PRKAR2A: variants seen among roughly 807,000 people sequenced by gnomAD.
PRKAR2A encodes cAMP-dependent protein kinase type II-alpha regulatory subunit.
PRKAR2A carries 29 observed loss-of-function variants against 51.9 expected under a neutral mutation model. The observed-to-expected ratio is 0.56, with a 90% CI of 0.42 to 0.76. The LOEUF is 0.76. Among genes scored for constraint, PRKAR2A ranks in the 30% least tolerant of loss-of-function variants. PRKAR2A has a pLI of 0.00. For missense variants in PRKAR2A, 445 were observed against 512.1 expected (o/e 0.87, Z 1.26); for synonymous variants, 178 against 186.2 (o/e 0.96, Z 0.36).
At chr3:48,775,088 C>T (rs2082085398) in intron 5 of PRKAR2A, among the ~76,000 whole-genome samples, 1 of 152,060 alleles carries the variant, frequency 6.6e-6, no homozygotes, top group Admixed American at 6.6e-5. Flanking sequence ...AAATGCTTTG[C>T]TGTAGGTATT....
chr3:48,833,121 A>G (rs1049090096), intron 1 of PRKAR2A, among the ~76,000 whole-genome samples: 2 of 152,178 alleles, frequency 1.3e-5, no homozygotes, highest in Non-Finnish European at 2.9e-5. Context: ...CCATAGCCTC[A>G]AACTCCTGGG....
chr3:48,799,299 TC>T (rs2107336847), intron 2 of PRKAR2A, among the ~76,000 whole-genome samples: 1 of 152,304 alleles, frequency 6.6e-6, no homozygotes, highest in South Asian at 2.1e-4. Flanking sequence ...ACACCTGTAA[TC>T]CCAATACTTT....
At chr3:48,829,865 A>ATT (rs2083155374) in intron 1 of PRKAR2A, among the ~76,000 whole-genome samples, 1 of 81,218 alleles carries the variant, frequency 1.2e-5, no homozygotes, top group South Asian at 6.3e-4. Context: ...ATATATATAT[A>ATT]TATATATTTT....
intron 1 of PRKAR2A, among the ~76,000 whole-genome samples, chr3:48,832,332 A>G (rs2083203246): frequency 6.6e-6 from 1 of 151,746 alleles, no homozygotes; most frequent in Non-Finnish European, 1.5e-5. Context: ...AAAACTGCTG[A>G]CAAATTTCCA....
chr3:48,789,422 A>G (rs1257158763), intron 4 of PRKAR2A, among the ~76,000 whole-genome samples: 2 of 152,054 alleles, frequency 1.3e-5, no homozygotes, highest in Non-Finnish European at 2.9e-5. Flanking sequence ...GAGGTGCAAC[A>G]GCAAAACTAG....
At chr3:48,817,269 G>A (rs1278992382) in intron 1 of PRKAR2A, among the ~76,000 whole-genome samples, 4 of 151,836 alleles carry the variant, frequency 2.6e-5, no homozygotes, top group South Asian at 4.1e-4. Flanking sequence ...GGAGGTTGCA[G>A]TGAGCCGAGA....
intron 1 of PRKAR2A, among the ~76,000 whole-genome samples, chr3:48,843,737 A>C (rs1006042109): frequency 2.4e-4 from 37 of 152,286 alleles, no homozygotes; most frequent in Non-Finnish European, 4.6e-4. Flanking sequence ...CAATGGGGGA[A>C]GGATTCCCTA....
chr3:48,764,922 G>C, intron 8 of PRKAR2A, 82 bp downstream of exon 8: 4 of 1,311,840 alleles, frequency 3.0e-6, no homozygotes, highest in Non-Finnish European at 4.3e-6. Flanking sequence ...ACTGCGTCCG[G>C]CAAGAAGTTT....
chr3:48,756,379 C>G lies in PRKAR2A; in HGVS notation c.939G>C (p.Arg313Ser). The change falls in exon 9 of 11, where the codon AGG becomes AGC. Residue 313 changes from arginine to serine, a missense_variant and splice_region_variant. Physicochemically the swap from Arg to Ser is moderately radical, Grantham distance 110. Coordinates refer to ENST00000265563, the MANE Select transcript of PRKAR2A (RefSeq NM_004157.4). ...SGEVSILIRS[R>S]TKSNKDGGNQ... is the part of the protein sequence containing the mutation. ...ATCACATATAAACTGATAAACTCAC[C>G]CTGCTTCTAATCAAGATGCTCACTT... is the stretch of plus-strand genomic sequence containing the variant. 6.2e-7 allele frequency: 1 copy of G among 1,612,364 alleles called. No individual in the cohort carries two copies. Among genetic ancestry groups the G allele is most frequent in the Non-Finnish European group, 8.5e-7 (1 of 1,178,616 alleles).
Position 48,781,257 on chromosome 3 carries a change from A to G in PRKAR2A, c.542+1729T>C, listed in dbSNP as rs1005554729. Among the ~76,000 whole-genome samples, 14 of 151,072 alleles carry G rather than the reference A, an allele frequency of 9.3e-5. No individual in the cohort carries two copies. The Middle Eastern group carries it at 0.017, about 186-fold the overall frequency. On this transcript the variant is annotated intron_variant, in intron 5 of 10. Coordinates refer to ENST00000265563, the MANE Select transcript of PRKAR2A (RefSeq NM_004157.4). Reference sequence around the variant, plus strand: ...CACCTCAGCCTCCCAAAATGCTAGCATTACAGGTGTGAGCCACCACGCCCA... The same window carrying G: ...CACCTCAGCCTCCCAAAATGCTAGCGTTACAGGTGTGAGCCACCACGCCCA...
chr3:48,797,357 C>T (rs931318786), intron 2 of PRKAR2A, among the ~76,000 whole-genome samples: 1 of 151,722 alleles, frequency 6.6e-6, no homozygotes, highest in African/African-American at 2.4e-5. Context: ...TTAGTAGAGA[C>T]GGGGTTTCAC....
intron 2 of PRKAR2A, among the ~76,000 whole-genome samples, chr3:48,796,847 T>C (rs2082501860): frequency 6.6e-6 from 1 of 151,984 alleles, no homozygotes; most frequent in Non-Finnish European, 1.5e-5. Context: ...TATAATCTTA[T>C]CACACTCATT....
At chr3:48,834,442 T>C (rs1233597222) in intron 1 of PRKAR2A, among the ~76,000 whole-genome samples, 1 of 152,028 alleles carries the variant, frequency 6.6e-6, no homozygotes, top group African/African-American at 2.4e-5. Context: ...GCTTTAAGAA[T>C]GTGAAAAGAA....
chr3:48,828,605 C>A (rs1451049095), intron 1 of PRKAR2A, among the ~76,000 whole-genome samples: 1 of 150,642 alleles, frequency 6.6e-6, no homozygotes, highest in Non-Finnish European at 1.5e-5. Context: ...GCCTCTGGTC[C>A]CAGCTACTCC....
intron 1 of PRKAR2A, among the ~76,000 whole-genome samples, chr3:48,838,047 G>A (rs1035701842): frequency 1.1e-4 from 16 of 151,924 alleles, no homozygotes; most frequent in African/African-American, 3.9e-4. Flanking sequence ...GTGTGGTGGC[G>A]GGCGCCTGTA....
chr3:48,817,578 T>C (rs918226135), intron 1 of PRKAR2A, among the ~76,000 whole-genome samples: 2 of 151,296 alleles, frequency 1.3e-5, no homozygotes, highest in South Asian at 4.2e-4. Flanking sequence ...ACCCGGCGGG[T>C]GGAGGTTGCA....
intron 1 of PRKAR2A, among the ~76,000 whole-genome samples, chr3:48,812,967 G>C (rs1052337625): frequency 6.6e-6 from 1 of 152,018 alleles, no homozygotes; most frequent in African/African-American, 2.4e-5. Flanking sequence ...ATAATGCTCC[G>C]TACATATTGA....
intron 2 of PRKAR2A, among the ~76,000 whole-genome samples, chr3:48,801,706 T>G (rs922879241): frequency 6.6e-6 from 1 of 152,158 alleles, no homozygotes; most frequent in South Asian, 2.1e-4. Flanking sequence ...CAAGCGATTC[T>G]CCTGCCTCAG....
rs182725487 is a variant in PRKAR2A at position 48,813,998 on chromosome 3, C to T, written c.263-6314G>A. On this transcript the variant is annotated intron_variant, in intron 1 of 10. Coordinates refer to ENST00000265563, the MANE Select transcript of PRKAR2A (RefSeq NM_004157.4). ...AATTAGGGCCAGGCGCAGTGTAATC[C>T]CAGCACTTTAAGAGGCCGAGGTGGG... Among the ~76,000 whole-genome samples, 149 of 152,182 alleles carry T rather than the reference C, an allele frequency of 9.8e-4. 1 individual carries two copies. Among genetic ancestry groups the T allele is most frequent in the Non-Finnish European group, 8.4e-4 (57 of 67,986 alleles).
Sources: allele counts gnomAD v4.1 joint callset (sites outside exome capture counted in the v4.1 genomes callset), GRCh38; gene constraint gnomAD v4.1.1; transcripts MANE v1.5; gene names NCBI Gene and HGNC (gene_info 2026-07-23, HGNC 2026-07-21).